KHDC4: variants seen among roughly 807,000 people sequenced by gnomAD.
KHDC4 encodes KH homology domain-containing protein 4.
Under a neutral mutation model 74.5 loss-of-function variants are expected in KHDC4, and 19 were observed. The observed-to-expected ratio is 0.26, with a 90% CI of 0.18 to 0.37. The LOEUF is 0.37. KHDC4 is among the 10% of genes least tolerant of loss of function. The pLI, the probability that KHDC4 is intolerant of heterozygous loss-of-function variation, is 1.00. For synonymous variants in KHDC4, 253 were observed against 266.1 expected (o/e 0.95, Z 0.48); for missense variants, 632 against 754.1 (o/e 0.84, Z 1.90).
intron 2 of KHDC4, chr1:155,932,727 G>C (rs546290024): frequency 1.6e-4 from 25 of 152,282 alleles, no homozygotes; most frequent in African/African-American, 6.0e-4. Context: ...TTGGGAGGCA[G>C]AGATGAGCTT....
At chr1:155,916,839 G>T in intron 11 of KHDC4, 102 bp from the exon 12 acceptor site, 1 of 754,022 alleles carries the variant, frequency 1.3e-6, no homozygotes, top group Non-Finnish European at 2.2e-6. Context: ...CTGATAAGTT[G>T]TAGTACGTTA....
intron 2 of KHDC4, among the ~76,000 whole-genome samples, chr1:155,930,388 T>C (rs1674116076): frequency 6.6e-6 from 1 of 152,220 alleles, no homozygotes; most frequent in South Asian, 2.1e-4. Context: ...AAAGTCAATC[T>C]GCTTGAAGGC....
intron 2 of KHDC4, among the ~76,000 whole-genome samples, chr1:155,933,351 C>T (rs975368422): frequency 6.6e-6 from 1 of 150,880 alleles, no homozygotes; most frequent in Non-Finnish European, 1.5e-5. Context: ...AGTGCACTGG[C>T]ACAATCTCGG....
intron 10 of KHDC4, chr1:155,919,988 C>T (rs763151521): frequency 3.9e-6 from 2 of 518,322 alleles, no homozygotes; most frequent in Non-Finnish European, 3.9e-6. Context: ...TTTGCTATGG[C>T]ATGGGTACAC....
At chr1:155,924,759 A>C (rs1166464435) in intron 7 of KHDC4, among the ~76,000 whole-genome samples, 1 of 149,882 alleles carries the variant, frequency 6.7e-6, no homozygotes, top group African/African-American at 2.5e-5. Flanking sequence ...CTTTTAGGAG[A>C]GTCAGGGTTT....
Position 155,929,289 on chromosome 1 carries a change from T to C in KHDC4, c.464+7A>G. On this transcript the variant is annotated splice_region_variant and intron_variant, in intron 4 of 13. Coordinates refer to ENST00000368321, the MANE Select transcript of KHDC4 (RefSeq NM_014949.4). ...CCCTTCCATAAACAAGATAAGAGAA[T>C]ACGCACCCTGGTCCCACTTTGGCTT... The C allele has an allele frequency of 6.2e-7, 1 of 1,605,018 alleles. No individual in the cohort carries two copies. The highest frequency in any genetic ancestry group is 8.5e-7 in the Non-Finnish European group (1 of 1,171,838).
intron 2 of KHDC4, 29 bp downstream of exon 2, chr1:155,933,604 A>G: frequency 6.4e-7 from 1 of 1,551,708 alleles, no homozygotes; most frequent in Non-Finnish European, 8.8e-7. Flanking sequence ...TAAATTCGCA[A>G]TTAGTGGAGA....
chr1:155,931,686 C>T (rs1275474183), intron 2 of KHDC4, among the ~76,000 whole-genome samples: 2 of 152,214 alleles, frequency 1.3e-5, no homozygotes, highest in African/African-American at 2.4e-5. Flanking sequence ...GCTTTAACCT[C>T]CTGAGTAGCT....
chr1:155,926,952 C>T, intron 5 of KHDC4, 113 bp from the exon 6 acceptor site: 4 of 1,325,740 alleles, frequency 3.0e-6, no homozygotes, highest in South Asian at 1.2e-5. Context: ...AAATATGTGG[C>T]TCTCCATCCC....
Position 155,933,744 on chromosome 1 carries a change from G to A in KHDC4, c.144C>T (p.Thr48=), listed in dbSNP as rs750952037. The change falls in exon 2 of 14, where the codon ACC becomes ACT. Residue 48 remains threonine, a synonymous_variant. Coordinates refer to ENST00000368321, the MANE Select transcript of KHDC4 (RefSeq NM_014949.4). The part of the protein sequence containing the change: ...VTSSGGSPGG[T]TAAPSGALDA... Reference sequence around the variant, plus strand: ...CCAAGGCTCCTGAAGGAGCAGCTGTGGTGCCCCCAGGACTTCCCCCACTGC... The same window carrying A: ...CCAAGGCTCCTGAAGGAGCAGCTGTAGTGCCCCCAGGACTTCCCCCACTGC... The A allele has an allele frequency of 8.7e-6, 14 of 1,606,310 alleles. No individual in the cohort carries two copies. The highest frequency in any genetic ancestry group is 9.4e-6 in the Non-Finnish European group (11 of 1,175,750).
At chr1:155,922,022 A>G (rs922223329) in intron 8 of KHDC4, 104 bp from the exon 9 acceptor site, 1 of 671,604 alleles carries the variant, frequency 1.5e-6, no homozygotes, top group Non-Finnish European at 2.6e-6. Flanking sequence ...GAATTAAAAT[A>G]TATCTACCAA....
At chr1:155,922,312 G>C (rs1572008403) in intron 8 of KHDC4, among the ~76,000 whole-genome samples, 1 of 151,912 alleles carries the variant, frequency 6.6e-6, no homozygotes, top group Non-Finnish European at 1.5e-5. Flanking sequence ...CACCCAGCTA[G>C]TTTTTGTATT....
In KHDC4 at chr1:155,926,609, G is replaced by A. The variant is rs753325600; in HGVS notation, c.681+67C>T. On this transcript the variant is annotated intron_variant, in intron 6 of 13. Transcript: ENST00000368321. ...TGGGATTACAGGAATGAGCCACTGT[G>A]CCTGGCCAGCACATATCATTTTTAT... 3.9e-6 allele frequency: 6 copies of A among 1,545,828 alleles called. No individual in the cohort carries two copies. The South Asian group carries it at 5.6e-5, about 14-fold the overall frequency.
In KHDC4 at chr1:155,914,068, T is replaced by G; in HGVS notation, c.*53A>C. On this transcript the variant is annotated 3_prime_UTR_variant, in exon 14 of 14. Transcript: ENST00000368321. ...CCAGAGTCTTGTTAAATCAAATGCATGCATTATTGCTAAGAAGAGTCACTG... is the reference window on the plus strand; with the variant it reads ...CCAGAGTCTTGTTAAATCAAATGCAGGCATTATTGCTAAGAAGAGTCACTG... The G allele has an allele frequency of 5.6e-6, 8 of 1,428,098 alleles. No individual in the cohort carries two copies. The highest frequency in any genetic ancestry group is 2.3e-5 in the East Asian group (1 of 43,968). 88.5% of individuals were successfully genotyped at this position (1,428,098 alleles called of 1,614,324 possible).
At chr1:155,926,014 C>A (rs759891403) in intron 6 of KHDC4, 171 bp from the exon 7 acceptor site, 17 of 766,368 alleles carry the variant, frequency 2.2e-5, no homozygotes, top group Non-Finnish European at 3.8e-5. Context: ...CTGCTCTCTC[C>A]AACCCTTTTT....
intron 6 of KHDC4, chr1:155,926,045 A>T (rs1443630824): frequency 2.7e-6 from 2 of 741,830 alleles, no homozygotes; most frequent in Non-Finnish European, 4.9e-6. Context: ...ATGTATCAGC[A>T]AAGTCTTACT....
At position 155,933,638 on chromosome 1, in the gene KHDC4, C is replaced by T; in HGVS notation, c.250G>A (p.Glu84Lys). 1 of 1,602,978 alleles carries T rather than the reference C, an allele frequency of 6.2e-7. No individual in the cohort carries two copies. The highest frequency in any genetic ancestry group is 8.5e-7 in the Non-Finnish European group (1 of 1,171,264). ...GACCCTTCAACTTCAAATACCTTCT[C>T]AGAAGCATTCTGAGTTGGTTTCAGC... ...GKLKPTQNAS[E>K]KLQAPGKGLT... Residue 84 changes from glutamate to lysine, a missense_variant, in exon 2 of 14, where the codon GAG becomes AAG. Coordinates refer to ENST00000368321, the MANE Select transcript of KHDC4 (RefSeq NM_014949.4).
At chr1:155,923,981 T>C (rs1327104300) in intron 7 of KHDC4, among the ~76,000 whole-genome samples, 1 of 152,224 alleles carries the variant, frequency 6.6e-6, no homozygotes, top group Non-Finnish European at 1.5e-5. Context: ...GACATAGGTT[T>C]AAATGAAAAT....
rs1673734384 is a variant in KHDC4, at chr1:155,916,557, A to G, written c.1553+68T>C. 4.9e-6 allele frequency: 5 copies of G among 1,022,438 alleles called. No individual in the cohort carries two copies. In the South Asian group the frequency reaches 6.9e-5, roughly 14 times the overall value. 63.3% of individuals were successfully genotyped at this position (1,022,438 alleles called of 1,614,324 possible). A position where few individuals can be genotyped will look rare whatever the true frequency, so the allele number is the denominator to read the frequency against. On this transcript the variant is annotated intron_variant, in intron 12 of 13. Coordinates refer to ENST00000368321, the MANE Select transcript of KHDC4 (RefSeq NM_014949.4). ...CAGAATACTTAAGCTCATAGCAATG[A>G]TCATTACTCTCACTAATGGTGCAAA... is the stretch of plus-strand genomic sequence containing the variant.
Sources: allele counts gnomAD v4.1 joint callset (sites outside exome capture counted in the v4.1 genomes callset), GRCh38; gene constraint gnomAD v4.1.1; transcripts MANE v1.5; gene names NCBI Gene and HGNC (gene_info 2026-07-23, HGNC 2026-07-21).